Variants in EXOC4 observed in about 807,000 individuals in gnomAD.
EXOC4 encodes the protein exocyst complex component 4, also known as SEC8-like 1.
A neutral mutation model predicts 107.2 loss-of-function variants in EXOC4; 71 were observed. The observed-to-expected ratio is 0.66, with a 90% CI of 0.55 to 0.81. The LOEUF (loss-of-function observed/expected upper bound fraction) is 0.81, where lower values mean the gene tolerates loss of function less well. Among genes scored for constraint, EXOC4 ranks in the 30% least tolerant of loss-of-function variants. The probability of loss-of-function intolerance (pLI) is 0.00; values close to 1 mark genes in which losing one functional copy is unlikely to be tolerated. For missense variants in EXOC4, 1,108 were observed against 1,189.6 expected, an observed-to-expected ratio of 0.93 and a Z score of 1.01; for synonymous variants, 456 against 441.2, an observed-to-expected ratio of 1.03 and a Z score of -0.42.
intron 12 of EXOC4, among the ~76,000 whole-genome samples, chr7:133,909,571 A>G (rs1799644199): frequency 6.6e-6 from 1 of 152,196 alleles, no homozygotes; most frequent in Non-Finnish European, 1.5e-5. Context: ...GACATTAGAC[A>G]GGTAGAGGGG....
intron 10 of EXOC4, among the ~76,000 whole-genome samples, chr7:133,717,103 A>T (rs1262201181): frequency 6.6e-6 from 1 of 152,194 alleles, no homozygotes; most frequent in Non-Finnish European, 1.5e-5. Context: ...TCCCGAATAG[A>T]TTCCAATAAA....
At chr7:133,388,062 G>T (rs1796767970) in intron 7 of EXOC4, among the ~76,000 whole-genome samples, 1 of 152,068 alleles carries the variant, frequency 6.6e-6, no homozygotes, top group Admixed American at 6.6e-5. Context: ...TTGAAGAAGA[G>T]ATTGGGTGGC....
intron 11 of EXOC4, among the ~76,000 whole-genome samples, chr7:133,862,509 C>A (rs758757552): frequency 6.6e-6 from 1 of 152,092 alleles, no homozygotes; most frequent in Non-Finnish European, 1.5e-5. Flanking sequence ...AAAAGAGCCT[C>A]ATTCCCAGAG....
Position 133,997,603 on chromosome 7 carries a change from G to A in EXOC4, c.2318G>A (p.Arg773His), listed in dbSNP as rs772101936. 22 of 1,613,424 alleles carry A rather than the reference G, an allele frequency of 1.4e-5. No individual in the cohort carries two copies. Among genetic ancestry groups the A allele is most frequent in the South Asian group, 4.4e-5 (4 of 91,030 alleles). The change falls in exon 15 of 18, where the codon CGC (arginine) becomes CAC (histidine). Residue 773 changes from arginine to histidine, a missense_variant. Arg to His is a conservative substitution (Grantham distance 29, BLOSUM62 0). Transcript: ENST00000253861. ...AAATCGTTCCAGGATATGGCTGACC[G>A]CTGCTTGCTTGTCTTACATCTGGAA... ...LAKSFQDMADRCLLVLHLEVR... is the reference protein window; with the variant it reads ...LAKSFQDMADHCLLVLHLEVR...
chr7:133,815,938 T>A (rs2550988), intron 10 of EXOC4, among the ~76,000 whole-genome samples: 131,920 of 152,240 alleles, frequency 0.87, 57,341 homozygotes, highest in East Asian at 0.99. Context: ...CCCTCTTTCA[T>A]TGATCCATTT....
chr7:133,897,079 G>T (rs901730112), intron 12 of EXOC4, among the ~76,000 whole-genome samples: 3 of 149,618 alleles, frequency 2.0e-5, no homozygotes, highest in Admixed American at 6.6e-5. Flanking sequence ...CTAAAAAGGG[G>T]TCATAAAAAA....
At chr7:133,710,042 T>A (rs1017444547) in intron 10 of EXOC4, among the ~76,000 whole-genome samples, 1 of 152,224 alleles carries the variant, frequency 6.6e-6, no homozygotes, top group African/African-American at 2.4e-5. Context: ...TCCTGGCACT[T>A]TGCCTATGAG....
intron 10 of EXOC4, among the ~76,000 whole-genome samples, chr7:133,669,159 T>C (rs957071885): frequency 1.1e-4 from 16 of 152,118 alleles, no homozygotes; most frequent in African/African-American, 3.4e-4. Context: ...AATACAGATT[T>C]TCCCCCTCGC....
chr7:133,419,813 A>G (rs1797560229), intron 7 of EXOC4, among the ~76,000 whole-genome samples: 1 of 152,050 alleles, frequency 6.6e-6, no homozygotes, highest in Admixed American at 6.5e-5. Context: ...TTAAAATAGC[A>G]CACACTTATT....
At chr7:133,331,428 C>G (rs1795385082) in intron 5 of EXOC4, among the ~76,000 whole-genome samples, 1 of 147,930 alleles carries the variant, frequency 6.8e-6, no homozygotes, top group Non-Finnish European at 1.5e-5. Context: ...TACTTATATT[C>G]TGGTTAATCA....
chr7:133,915,297 A>C (rs1184733599), intron 12 of EXOC4, among the ~76,000 whole-genome samples: 3 of 152,164 alleles, frequency 2.0e-5, no homozygotes, highest in Non-Finnish European at 4.4e-5. Flanking sequence ...TAGGGAATAT[A>C]TAGTGGAAAG....
chr7:133,410,520 A>G (rs1402469620), intron 7 of EXOC4, among the ~76,000 whole-genome samples: 1 of 151,998 alleles, frequency 6.6e-6, no homozygotes, highest in Non-Finnish European at 1.5e-5. Flanking sequence ...CTGAGGGGTT[A>G]TTTCATTATC....
chr7:133,718,572 A>G (rs977981697), intron 10 of EXOC4, among the ~76,000 whole-genome samples: 7 of 152,302 alleles, frequency 4.6e-5, no homozygotes, highest in South Asian at 2.1e-4. Flanking sequence ...ACCGAGGTTA[A>G]GAATTTGCAC....
chr7:133,347,335 C>G (rs1795807768), intron 5 of EXOC4, among the ~76,000 whole-genome samples: 1 of 151,668 alleles, frequency 6.6e-6, no homozygotes, highest in Non-Finnish European at 1.5e-5. Flanking sequence ...CCTCCGCCTC[C>G]TGGGTTCAAG....
intron 17 of EXOC4, among the ~76,000 whole-genome samples, chr7:134,049,715 C>T (rs377177593): frequency 1.3e-5 from 2 of 152,274 alleles, no homozygotes; most frequent in East Asian, 1.9e-4. Context: ...GACTCTGCAT[C>T]GCCAGAGAAC....
chr7:133,794,859 G>A (rs1165684744), intron 10 of EXOC4, among the ~76,000 whole-genome samples: 3 of 151,574 alleles, frequency 2.0e-5, no homozygotes, highest in African/African-American at 2.4e-5. Context: ...TGTTACATAT[G>A]TATGCATGTG....
intron 13 of EXOC4, among the ~76,000 whole-genome samples, chr7:133,925,983 G>A (rs1350658334): frequency 1.4e-5 from 2 of 147,796 alleles, no homozygotes; most frequent in Non-Finnish European, 1.5e-5. Context: ...AAGTTGCAGT[G>A]AGCCGAGATT....
At chr7:133,545,324 C>G (rs908650913) in intron 9 of EXOC4, among the ~76,000 whole-genome samples, 1 of 151,994 alleles carries the variant, frequency 6.6e-6, no homozygotes, top group Non-Finnish European at 1.5e-5. Flanking sequence ...TCCATTTCTT[C>G]TTTTCTAAAG....
Position 133,753,193 on chromosome 7 carries a change from A to G in EXOC4, c.1515-64132A>G, listed in dbSNP as rs193181789. Among the ~76,000 whole-genome samples, 9 of 152,348 alleles carry G rather than the reference A, an allele frequency of 5.9e-5. No individual in the cohort carries two copies. The East Asian group carries it at 1.5e-3, about 26-fold the overall frequency. On this transcript the variant is annotated intron_variant, in intron 10 of 17. Coordinates refer to ENST00000253861, the MANE Select transcript of EXOC4 (RefSeq NM_021807.4). ...GCCTTTTCAGCTTAAATGTATAAAT[A>G]TAGAAAACTTGATCCATTAGGAATA...
Sources: gnomAD v4.1 joint callset for allele counts (sites outside exome capture counted in the v4.1 genomes callset) on GRCh38, gnomAD v4.1.1 for gene constraint, MANE v1.5 for transcripts, NCBI Gene and HGNC (gene_info 2026-07-23, HGNC 2026-07-21) for gene names.